The following CELSR1 variants were observed in gnomAD, a reference collection of about 807,000 sequenced individuals.
CELSR1 encodes the protein cadherin EGF LAG seven-pass G-type receptor 1.
A neutral mutation model predicts 249.1 loss-of-function variants in CELSR1; 110 were observed. The ratio of observed to expected loss-of-function variants is 0.44; its 90% CI spans 0.38 to 0.52. The LOEUF (loss-of-function observed/expected upper bound fraction) is 0.52. Among genes scored for constraint, CELSR1 ranks in the 20% least tolerant of loss-of-function variants. CELSR1 has a pLI of 0.00. For synonymous variants in CELSR1, 2,113 were observed against 1,900.0 expected (o/e 1.11, Z -2.92); for missense variants, 4,109 against 4,296.4 (o/e 0.96, Z 1.22).
intron 1 of CELSR1, among the ~76,000 whole-genome samples, chr22:46,496,063 G>A (rs1164061145): frequency 6.6e-6 from 1 of 150,934 alleles, no homozygotes; most frequent in Non-Finnish European, 1.5e-5. Context: ...ACATGGTGGT[G>A]CAAGCTTGTA....
chr22:46,365,118 GGCTGCAGTGCT>G, intron 32 of CELSR1, 102 bp downstream of exon 32: 1 of 1,385,302 alleles, frequency 7.2e-7, no homozygotes, highest in Non-Finnish European at 9.6e-7. Flanking sequence ...CCTTTCATGT[GGCTGCAGTGCT>G]GCTGGGCATA....
intron 2 of CELSR1, among the ~76,000 whole-genome samples, chr22:46,443,634 C>T (rs994445277): frequency 4.6e-5 from 7 of 151,920 alleles, no homozygotes; most frequent in African/African-American, 1.7e-4. Context: ...CTCAATTTCC[C>T]GTCTACACAT....
Position 46,399,060 on chromosome 22 carries a change from T to C in CELSR1, c.5413-423A>G, listed in dbSNP as rs544577416. On this transcript the variant is annotated intron_variant, in intron 10 of 34. Coordinates refer to ENST00000674500, the MANE Select transcript of CELSR1 (RefSeq NM_001378328.1). This position sits in a 1 kb window ranked among gnomAD's most constrained non-coding sequence, Gnocchi z 5.0. ...TGAGATCCAGTCCCAGAAAGGCAGGTGCCTGGAACACACCTATTTACTCCC... is the reference window on the plus strand; with the variant it reads ...TGAGATCCAGTCCCAGAAAGGCAGGCGCCTGGAACACACCTATTTACTCCC... Among the ~76,000 whole-genome samples, 1 of 152,264 alleles carries C rather than the reference T, an allele frequency of 6.6e-6. No homozygotes were observed. The highest frequency in any genetic ancestry group is 1.5e-5 in the Non-Finnish European group (1 of 68,014).
rs1024458743 is a variant in CELSR1, at chr22:46,454,355, G to A, written c.4183+9352C>T. ...CAGCGGCCACAGGAGACTCGTGCAG[G>A]GGTGAGCGAGCGTGCCCAGCCCTGC... On this transcript the variant is annotated intron_variant, in intron 2 of 34. Coordinates refer to ENST00000674500, the MANE Select transcript of CELSR1 (RefSeq NM_001378328.1). This position sits in a 1 kb window ranked among gnomAD's most constrained non-coding sequence, Gnocchi z 5.1. Among the ~76,000 whole-genome samples the A allele has an allele frequency of 6.6e-6, 1 of 152,166 alleles. No individual in the cohort carries two copies. The highest frequency in any genetic ancestry group is 1.5e-5 in the Non-Finnish European group (1 of 68,030).
chr22:46,421,800 G>C (rs1303620956), intron 5 of CELSR1, among the ~76,000 whole-genome samples: 1 of 152,226 alleles, frequency 6.6e-6, no homozygotes, highest in African/African-American at 2.4e-5. Context: ...CCTTAGCAGA[G>C]GCCCCACTAG....
intron 14 of CELSR1, among the ~76,000 whole-genome samples, chr22:46,392,471 G>A (rs1190426521): frequency 6.6e-6 from 1 of 152,254 alleles, no homozygotes. Flanking sequence ...AGGCCCAGAA[G>A]AGATGCTAAA....
At chr22:46,521,614 C>G (rs1294131680) in intron 1 of CELSR1, among the ~76,000 whole-genome samples, 2 of 151,852 alleles carry the variant, frequency 1.3e-5, no homozygotes, top group African/African-American at 4.8e-5. Flanking sequence ...GTCAGGAATT[C>G]GAGACCATCC....
Position 46,447,118 on chromosome 22 carries a change from C to T in CELSR1, c.4184-7707G>A, listed in dbSNP as rs1016725133. Among the ~76,000 whole-genome samples the T allele has an allele frequency of 4.6e-5, 7 of 152,126 alleles. No individual in the cohort carries two copies. The highest frequency in any genetic ancestry group is 1.0e-4 in the Non-Finnish European group (7 of 68,024). On this transcript the variant is annotated intron_variant, in intron 2 of 34. Coordinates refer to ENST00000674500, the MANE Select transcript of CELSR1 (RefSeq NM_001378328.1). This position sits in a 1 kb window ranked among gnomAD's most constrained non-coding sequence, Gnocchi z 4.7. ...AACTGGAGGGGCTGCTCCCCACCAA[C>T]CCTCAGGGAGAATCCTGAATTGGCG... is the stretch of plus-strand genomic sequence containing the variant.
intron 25 of CELSR1, 52 bp downstream of exon 25, chr22:46,372,831 G>C: frequency 6.5e-7 from 1 of 1,549,438 alleles, no homozygotes; most frequent in South Asian, 1.2e-5. Flanking sequence ...TGCACAGCTG[G>C]GGTCTGTTGG....
chr22:46,374,540 T>G lies in CELSR1; in HGVS notation c.7585-1483A>C, dbSNP rs906702975. Among the ~76,000 whole-genome samples the G allele has an allele frequency of 6.6e-6, 1 of 152,212 alleles. No individual in the cohort carries two copies. The highest frequency in any genetic ancestry group is 3.2e-3 in the Middle Eastern group (1 of 316). ...GCACTCTGCCAAGCCCCTAGAACGC[T>G]GCCGGGTCGCCCTTTCCTTCTCCAT... On this transcript the variant is annotated intron_variant, in intron 24 of 34. Transcript: ENST00000674500. This position sits in a 1 kb window ranked among gnomAD's most constrained non-coding sequence, Gnocchi z 4.3.
rs1489663973 is a variant in CELSR1 at position 46,434,948 on chromosome 22, T to A, written c.4522+1226A>T. On this transcript the variant is annotated intron_variant, in intron 4 of 34. Transcript: ENST00000674500. This position sits in a 1 kb window ranked among gnomAD's most constrained non-coding sequence, Gnocchi z 4.9. ...GGAGGTGGAGGTCGCAGTGAGCCAA[T>A]ATTGCACCACTGCACTCCAGCCTGG... is the stretch of plus-strand genomic sequence containing the variant. 6.6e-6 allele frequency among the ~76,000 whole-genome samples: 1 copy of A among 151,522 alleles called. No individual in the cohort carries two copies. The highest frequency in any genetic ancestry group is 1.5e-5 in the Non-Finnish European group (1 of 67,926).
chr22:46,475,713 T>C (rs146805418), intron 1 of CELSR1, among the ~76,000 whole-genome samples: 682 of 152,238 alleles, frequency 4.5e-3, no homozygotes, highest in Middle Eastern at 6.8e-3. Context: ...AAAACCTCCT[T>C]CTCAATGTCA....
At position 46,508,140 on chromosome 22, in the gene CELSR1, AC is replaced by A. The variant is rs1246839627; in HGVS notation, c.3544+25486del. ...TTGTGACTCGGCCCTGCAGGCGTAGACCCCCTCCCCCACGGCTCCTAGGACA... is the reference window on the plus strand; with the variant it reads ...TTGTGACTCGGCCCTGCAGGCGTAGACCCCTCCCCCACGGCTCCTAGGACA... On this transcript the variant is annotated intron_variant, in intron 1 of 34. Coordinates refer to ENST00000674500, the MANE Select transcript of CELSR1 (RefSeq NM_001378328.1). Among the ~76,000 whole-genome samples the A allele has an allele frequency of 2.0e-5, 3 of 148,958 alleles. No homozygotes were observed. The East Asian group carries it at 5.9e-4, about 29-fold the overall frequency.
intron 25 of CELSR1, among the ~76,000 whole-genome samples, chr22:46,372,390 TACCCATCCACTCACTCACCCCTCCACCC>T (rs1385605388): frequency 0.031 from 2,703 of 88,126 alleles, 239 homozygotes; most frequent in Non-Finnish European, 0.038. Flanking sequence ...TCACCCCATC[TACCCATCCACTCACTCACCCCTCCACCC>T]ATCCATCCAC....
At chr22:46,481,487 A>C (rs990562291) in intron 1 of CELSR1, 1 of 1,568,072 alleles carries the variant, frequency 6.4e-7, no homozygotes, top group Admixed American at 1.8e-5. Context: ...TTGTCGTTGC[A>C]ATGCGTGGTG....
chr22:46,385,755 G>A (rs1315322658), intron 19 of CELSR1, among the ~76,000 whole-genome samples: 1 of 146,446 alleles, frequency 6.8e-6, no homozygotes, highest in Non-Finnish European at 1.5e-5. Context: ...TCGGCTCACT[G>A]CAAGCTCCGC....
At chr22:46,387,837 G>A (rs1324201417) in intron 18 of CELSR1, among the ~76,000 whole-genome samples, 1 of 152,128 alleles carries the variant, frequency 6.6e-6, no homozygotes, top group Non-Finnish European at 1.5e-5. Flanking sequence ...GATGCCCCTG[G>A]TTATTACATC....
chr22:46,514,483 AG>A (rs2080606407), intron 1 of CELSR1, among the ~76,000 whole-genome samples: 2 of 152,150 alleles, frequency 1.3e-5, no homozygotes, highest in African/African-American at 4.8e-5. Flanking sequence ...TCTGGCTGCC[AG>A]TCAGTCAGAA....
At chr22:46,462,805 C>T in intron 2 of CELSR1, 1 of 381,228 alleles carries the variant, frequency 2.6e-6, no homozygotes, top group South Asian at 2.0e-5. Context: ...CGGGGTGGCT[C>T]TTTATTTTTA....
Sources: allele counts gnomAD v4.1 joint callset (sites outside exome capture counted in the v4.1 genomes callset), GRCh38; gene constraint gnomAD v4.1.1; non-coding constraint Gnocchi (gnomAD v3.1); transcripts MANE v1.5; gene names NCBI Gene and HGNC (gene_info 2026-07-23, HGNC 2026-07-21).